KATNAL1: variants seen among roughly 807,000 people sequenced by gnomAD.
KATNAL1 encodes katanin p60 ATPase-containing subunit A-like 1.
In KATNAL1, 32 loss-of-function variants were observed where a neutral mutation model predicts 55.2. The ratio of observed to expected loss-of-function variants is 0.58; its 90% CI spans 0.44 to 0.78. KATNAL1 has a LOEUF of 0.78. Ranked by LOEUF, KATNAL1 falls within the 30% of genes least tolerant of loss-of-function variation. The pLI, the probability that KATNAL1 is intolerant of heterozygous loss-of-function variation, is 0.00. For missense variants in KATNAL1, 466 were observed against 600.9 expected, an observed-to-expected ratio of 0.78 and a Z score of 2.35; for synonymous variants, 193 against 193.6, an observed-to-expected ratio of 1.00 and a Z score of 0.02.
chr13:30,235,609 A>G (rs1231301911), intron 6 of KATNAL1, among the ~76,000 whole-genome samples: 1 of 152,232 alleles, frequency 6.6e-6, no homozygotes, highest in Non-Finnish European at 1.5e-5. Flanking sequence ...CAATCTCCAT[A>G]TTGTCACACA....
intron 8 of KATNAL1, among the ~76,000 whole-genome samples, chr13:30,227,911 T>C (rs913207992): frequency 6.6e-6 from 1 of 152,156 alleles, no homozygotes; most frequent in African/African-American, 2.4e-5. Context: ...TTTTAAATCA[T>C]AAAGTTCCGC....
chr13:30,259,725 C>A (rs1217544168), intron 3 of KATNAL1, among the ~76,000 whole-genome samples: 1 of 152,196 alleles, frequency 6.6e-6, no homozygotes, highest in Non-Finnish European at 1.5e-5. Flanking sequence ...GGGTCCTATG[C>A]CCACGGAGTC....
chr13:30,265,700 G>C (rs1035675408), intron 3 of KATNAL1, among the ~76,000 whole-genome samples: 1 of 149,594 alleles, frequency 6.7e-6, no homozygotes, highest in Non-Finnish European at 1.5e-5. Context: ...CCTTTTAAGA[G>C]ATTTTTTTTT....
Position 30,283,768 on chromosome 13 carries a change from C to G in KATNAL1, c.10G>C (p.Ala4Pro). 2 of 1,606,486 alleles carry G rather than the reference C, an allele frequency of 1.2e-6. No individual in the cohort carries two copies. Among genetic ancestry groups the G allele is most frequent in the Non-Finnish European group, 1.7e-6 (2 of 1,175,870 alleles). Reference sequence around the variant, plus strand: ...TTCTTTGCATTATCACAAATCTCAGCCAAATTCATCTTCTTTCAGAGACCT... The same window carrying G: ...TTCTTTGCATTATCACAAATCTCAGGCAAATTCATCTTCTTTCAGAGACCT... MNL[A>P]EICDNAKKGR... Residue 4 changes from alanine (A) to proline (P), a missense_variant, in exon 2 of 11, where the codon GCT (alanine) becomes CCT (proline). Physicochemically the swap from Ala to Pro is conservative, Grantham distance 27 (BLOSUM62 -1). Transcript: ENST00000380615.
chr13:30,291,977 G>A (rs1882164232), intron 1 of KATNAL1, among the ~76,000 whole-genome samples: 1 of 152,166 alleles, frequency 6.6e-6, no homozygotes. Flanking sequence ...GGAGGTTGCA[G>A]TGAGCCGAGA....
chr13:30,252,591 A>G (rs1878421892), intron 4 of KATNAL1, among the ~76,000 whole-genome samples: 1 of 152,200 alleles, frequency 6.6e-6, no homozygotes, highest in African/African-American at 2.4e-5. Context: ...ATAATACTGT[A>G]CTTATGGGCA....
At chr13:30,231,271 G>A (rs374586514) in intron 7 of KATNAL1, 43 bp downstream of exon 7, 33 of 1,532,972 alleles carry the variant, frequency 2.2e-5, no homozygotes, top group Non-Finnish European at 2.8e-5. Flanking sequence ...GGCATCATAG[G>A]CCTACACACA....
Position 30,240,572 on chromosome 13 carries a change from A to C in KATNAL1, c.621-7T>G. On this transcript the variant is annotated splice_polypyrimidine_tract_variant and splice_region_variant and intron_variant, in intron 5 of 10. Transcript: ENST00000380615. ...CAGATCTGCTATGTCATCCCTTTGA[A>C]AGAACAGCAAACTTTCATAATGTTT... 6.3e-7 allele frequency: 1 copy of C among 1,583,912 alleles called. No individual in the cohort carries two copies. The highest frequency in any genetic ancestry group is 1.3e-5 in the African/African-American group (1 of 74,464).
rs1328355326 is a variant in KATNAL1 at position 30,202,722 on chromosome 13, G to C, written c.*5818C>G. 1 of 152,118 alleles carries C rather than the reference G, an allele frequency of 6.6e-6. No individual in the cohort carries two copies. Among genetic ancestry groups the C allele is most frequent in the African/African-American group, 2.4e-5 (1 of 41,418 alleles). 9.4% of individuals were successfully genotyped at this position (152,118 alleles called of 1,614,324 possible). A position where few individuals can be genotyped will look rare whatever the true frequency, so the allele number is the denominator to read the frequency against. On this transcript the variant is annotated 3_prime_UTR_variant, in exon 11 of 11. Transcript: ENST00000380615. The stretch of plus-strand genomic sequence containing the variant: ...GATTAGCAAAGTAGCAGCACAAAAG[G>C]TAAGGAAAAACACATTTAATAAATA...
chr13:30,263,672 T>C (rs573092348), intron 3 of KATNAL1, among the ~76,000 whole-genome samples: 306 of 149,534 alleles, frequency 2.0e-3, no homozygotes, highest in Admixed American at 3.1e-3. Flanking sequence ...TTACAAGGGA[T>C]GTGAAGGACC....
At chr13:30,293,765 T>C (rs1882294607) in intron 1 of KATNAL1, among the ~76,000 whole-genome samples, 1 of 152,210 alleles carries the variant, frequency 6.6e-6, no homozygotes, top group Non-Finnish European at 1.5e-5. Context: ...CTCATTTTAC[T>C]GCACTTCGCA....
In KATNAL1 at chr13:30,300,813, T is replaced by C. The variant is rs925770527; in HGVS notation, c.-15+6518A>G. Among the ~76,000 whole-genome samples, 64 of 152,180 alleles carry C rather than the reference T, an allele frequency of 4.2e-4. 1 individual carries two copies. The highest frequency in any genetic ancestry group is 1.5e-3 in the African/African-American group (63 of 41,440). On this transcript the variant is annotated intron_variant, in intron 1 of 10. Coordinates refer to ENST00000380615, the MANE Select transcript of KATNAL1 (RefSeq NM_032116.5). ...CACAAACCCAGACATTACAGAAGAATGTATGTAGTAATTAAGGCTTTTCAT... is the reference window on the plus strand; with the variant it reads ...CACAAACCCAGACATTACAGAAGAACGTATGTAGTAATTAAGGCTTTTCAT...
chr13:30,261,889 C>G (rs936824733), intron 3 of KATNAL1, among the ~76,000 whole-genome samples: 17 of 151,944 alleles, frequency 1.1e-4, no homozygotes, highest in African/African-American at 4.1e-4. Flanking sequence ...CTACAGAACT[C>G]TCCACCCCAA....
chr13:30,234,108 A>G (rs1267988736), intron 6 of KATNAL1, among the ~76,000 whole-genome samples: 3 of 152,206 alleles, frequency 2.0e-5, no homozygotes, highest in African/African-American at 4.8e-5. Flanking sequence ...TGGATATCCC[A>G]TTTATACTGA....
chr13:30,280,212 T>C lies in KATNAL1; in HGVS notation c.174A>G (p.Glu58=), dbSNP rs1445161124. Residue 58 remains glutamate, a synonymous_variant, in exon 3 of 11, where the codon GAA becomes GAG. Coordinates refer to ENST00000380615, the MANE Select transcript of KATNAL1 (RefSeq NM_032116.5). ...TAACTTGTTCATATTCCTCCAATAATTCCTGCCGAACCTTAAAAAAAAAAA... is the reference window on the plus strand; with the variant it reads ...TAACTTGTTCATATTCCTCCAATAACTCCTGCCGAACCTTAAAAAAAAAAA... The part of the protein sequence containing the change: ...IKGKWQQVRQ[E]LLEEYEQVKS... 6.3e-7 allele frequency: 1 copy of C among 1,588,074 alleles called. No individual in the cohort carries two copies. The highest frequency in any genetic ancestry group is 8.5e-7 in the Non-Finnish European group (1 of 1,171,978).
intron 8 of KATNAL1, among the ~76,000 whole-genome samples, chr13:30,229,338 T>C (rs1875844062): frequency 2.0e-5 from 3 of 152,122 alleles, no homozygotes; most frequent in African/African-American, 7.2e-5. Flanking sequence ...TGTACCATAA[T>C]GTATTATACT....
chr13:30,283,182 G>T (rs1159655782), intron 2 of KATNAL1, among the ~76,000 whole-genome samples: 1 of 138,256 alleles, frequency 7.2e-6, no homozygotes, highest in East Asian at 2.3e-4. Flanking sequence ...GAGGAGAACT[G>T]CTTGAACCTG....
At chr13:30,258,031 C>T (rs1292448606) in intron 3 of KATNAL1, among the ~76,000 whole-genome samples, 1 of 152,186 alleles carries the variant, frequency 6.6e-6, no homozygotes, top group Non-Finnish European at 1.5e-5. Flanking sequence ...ATAAAGGTCT[C>T]AAGGCTTCTT....
intron 9 of KATNAL1, among the ~76,000 whole-genome samples, chr13:30,222,091 C>T (rs1874927231): frequency 1.3e-5 from 2 of 152,104 alleles, no homozygotes; most frequent in Admixed American, 6.6e-5. Context: ...CTGAATGTGT[C>T]TGTGAACATG....
Sources: gnomAD v4.1 joint callset for allele counts (sites outside exome capture counted in the v4.1 genomes callset) on GRCh38, gnomAD v4.1.1 for gene constraint, MANE v1.5 for transcripts, NCBI Gene and HGNC (gene_info 2026-07-23, HGNC 2026-07-21) for gene names.